Variants in RNASE10 observed in about 807,000 individuals in gnomAD.
The protein encoded by RNASE10 is ribonuclease A family member 10 (inactive).
Under a neutral mutation model 1.1 loss-of-function variants are expected in RNASE10, and 2 were observed. That is an observed-to-expected ratio of 1.82 (90% CI 0.74 to 5.73). RNASE10 has a LOEUF of 5.73. Among genes scored for constraint, RNASE10 ranks in the 30% most tolerant of loss-of-function variants. The pLI is 0.05. For missense variants in RNASE10, 276 were observed against 263.4 expected, an observed-to-expected ratio of 1.05 and a Z score of -0.33; for synonymous variants, 97 against 96.2, an observed-to-expected ratio of 1.01 and a Z score of -0.05.
At chr14:20,508,045 C>T (rs1882795408) in intron 1 of RNASE10, among the ~76,000 whole-genome samples, 1 of 152,168 alleles carries the variant, frequency 6.6e-6, no homozygotes, top group African/African-American at 2.4e-5. Context: ...CCACTGCGCC[C>T]AGGCCCCCTA....
upstream of RNASE10, among the ~76,000 whole-genome samples, chr14:20,504,831 G>T (rs1222129933): frequency 6.6e-6 from 1 of 151,662 alleles, no homozygotes; most frequent in Non-Finnish European, 1.5e-5. Context: ...GAAAGACAAG[G>T]GAGCACTCAC....
intron 1 of RNASE10, among the ~76,000 whole-genome samples, chr14:20,509,546 G>T (rs1882841251): frequency 1.3e-5 from 2 of 152,324 alleles, no homozygotes; most frequent in East Asian, 3.9e-4. Context: ...TGTAAAGTTG[G>T]ACATCTTCCC....
chr14:20,506,440 G>T (rs1458888976), intron 1 of RNASE10, among the ~76,000 whole-genome samples: 4 of 126,764 alleles, frequency 3.2e-5, no homozygotes, highest in African/African-American at 9.0e-5. Context: ...GGAGGGGGGA[G>T]GGGGGGTCAG....
At chr14:20,506,814 G>GT (rs1882743978) in intron 1 of RNASE10, among the ~76,000 whole-genome samples, 1 of 127,582 alleles carries the variant, frequency 7.8e-6, no homozygotes, top group Non-Finnish European at 1.7e-5. Flanking sequence ...GAGGGAGGTG[G>GT]GGGGATCAGC....
upstream of RNASE10, among the ~76,000 whole-genome samples, chr14:20,504,894 G>A (rs564602458): frequency 4.8e-3 from 734 of 152,022 alleles, 7 homozygotes; most frequent in African/African-American, 0.016. Context: ...GGACAGCAGC[G>A]GAGAGGAGCT....
At chr14:20,512,944 G>A (rs757872380), downstream of RNASE10, among the ~76,000 whole-genome samples, 3 of 152,150 alleles carry the variant, frequency 2.0e-5, no homozygotes, top group Non-Finnish European at 4.4e-5. Context: ...AGAGAAAATC[G>A]GCCACGTTAG....
chr14:20,509,697 GTCT>G (rs1220746796), intron 1 of RNASE10, among the ~76,000 whole-genome samples: 1 of 152,118 alleles, frequency 6.6e-6, no homozygotes, highest in Non-Finnish European at 1.5e-5. Context: ...TAAAGAGATG[GTCT>G]TCTGTGGTAA....
intron 1 of RNASE10, among the ~76,000 whole-genome samples, chr14:20,507,616 AAATAAAT>A (rs1882782403): frequency 8.1e-6 from 1 of 123,632 alleles, no homozygotes. Context: ...TCAATTAAAA[AAATAAAT>A]AAATAAATAA....
chr14:20,510,750 T>A, exon 2 of RNASE10: 2 of 1,613,978 alleles, frequency 1.2e-6, no homozygotes, highest in East Asian at 2.2e-5. Context: ...AGGTTGGGGG[T>A]AACAAGATGC....
downstream of RNASE10, among the ~76,000 whole-genome samples, chr14:20,511,598 T>A (rs1216447569): frequency 6.6e-6 from 1 of 152,226 alleles, no homozygotes; most frequent in Non-Finnish European, 1.5e-5. Flanking sequence ...TGGAGGACCA[T>A]GTGGAACAGG....
At chr14:20,506,266 T>C (rs1594439435) in intron 1 of RNASE10, among the ~76,000 whole-genome samples, 1 of 108,824 alleles carries the variant, frequency 9.2e-6, no homozygotes, top group Admixed American at 9.1e-5. Flanking sequence ...TACTGGGAAG[T>C]GAGGAGCCCA....
At chr14:20,506,306 G>A (rs1882714217) in intron 1 of RNASE10, among the ~76,000 whole-genome samples, 1 of 103,298 alleles carries the variant, frequency 9.7e-6, no homozygotes, top group African/African-American at 4.1e-5. Flanking sequence ...CGTCCGGGAG[G>A]GAGGTGGGGG....
chr14:20,510,148 T>A (rs1442125485), intron 1 of RNASE10, among the ~76,000 whole-genome samples: 4 of 151,136 alleles, frequency 2.6e-5, no homozygotes, highest in Non-Finnish European at 5.9e-5. Flanking sequence ...AAAGAATCAA[T>A]TGATGTCAAC....
upstream of RNASE10, among the ~76,000 whole-genome samples, chr14:20,504,462 C>T (rs1483046792): frequency 4.0e-5 from 6 of 151,820 alleles, no homozygotes; most frequent in East Asian, 3.9e-4. Context: ...CCGAGGCGGG[C>T]GGGTCACGAG....
chr14:20,510,966 ATGTCACAAAAGCTCCCGACCTTT>A lies in RNASE10; in HGVS notation c.582_604del (p.Cys194Ter). ...TTGCCTGTGAGCTCAAGGGGGGAAAATGTCACAAAAGCTCCCGACCTTTTGATTTGACATTGTGCGAGCTGTCC... is the reference window on the plus strand; with the variant it reads ...TTGCCTGTGAGCTCAAGGGGGGAAAATGATTTGACATTGTGCGAGCTGTCC... On this transcript the variant is annotated frameshift_variant, in exon 2 of 2. Transcript: ENST00000430083. LOFTEE classifies it low-confidence loss of function (END_TRUNC). The A allele has an allele frequency of 6.2e-7, 1 of 1,605,348 alleles. No homozygotes were observed. Among genetic ancestry groups the A allele is most frequent in the East Asian group, 2.2e-5 (1 of 44,662 alleles).
chr14:20,506,468 C>T (rs576623502), intron 1 of RNASE10, among the ~76,000 whole-genome samples: 4 of 133,114 alleles, frequency 3.0e-5, no homozygotes, highest in Admixed American at 7.1e-5. Flanking sequence ...CCCGGCCAGC[C>T]GCCCCGTCCG....
intron 1 of RNASE10, 88 bp from the exon 2 acceptor site, chr14:20,510,379 T>A (rs1040920066): frequency 5.9e-6 from 9 of 1,515,766 alleles, no homozygotes; most frequent in Non-Finnish European, 7.9e-6. Flanking sequence ...CCAGATACAA[T>A]GCTGTAGGGC....
At chr14:20,513,104 C>T (rs555344084), downstream of RNASE10, among the ~76,000 whole-genome samples, 1 of 152,138 alleles carries the variant, frequency 6.6e-6, no homozygotes, top group South Asian at 2.1e-4. Flanking sequence ...CTTCAGCTTC[C>T]GTCCAGCTTC....
intron 1 of RNASE10, among the ~76,000 whole-genome samples, chr14:20,508,821 T>C (rs1490297091): frequency 1.3e-5 from 2 of 152,236 alleles, no homozygotes; most frequent in African/African-American, 4.8e-5. Context: ...TATGTAGATA[T>C]GTATGTATAG....
Sources: gnomAD v4.1 joint callset for allele counts (sites outside exome capture counted in the v4.1 genomes callset) on GRCh38, gnomAD v4.1.1 for gene constraint, MANE v1.5 for transcripts, NCBI Gene and HGNC (gene_info 2026-07-23, HGNC 2026-07-21) for gene names.